DNAJC1: variants seen among roughly 807,000 people sequenced by gnomAD.
The protein encoded by DNAJC1 is DnaJ heat shock protein family (Hsp40) member C1, also known as dnaJ homolog subfamily C member 1.
Under a neutral mutation model 76.6 loss-of-function variants are expected in DNAJC1, and 58 were observed. That is an observed-to-expected ratio of 0.76 (90% confidence interval 0.61 to 0.94). The LOEUF is 0.94. DNAJC1 is among the 40% of genes least tolerant of loss of function. The pLI, the probability that DNAJC1 is intolerant of heterozygous loss-of-function variation, is 0.00. For missense variants in DNAJC1, 689 were observed against 677.3 expected (o/e 1.02, Z -0.19); for synonymous variants, 258 against 267.9 (o/e 0.96, Z 0.36).
At chr10:21,774,661 T>C (rs1236285756) in intron 9 of DNAJC1, among the ~76,000 whole-genome samples, 1 of 152,142 alleles carries the variant, frequency 6.6e-6, no homozygotes. Context: ...TATTTTTTAG[T>C]AGAGACAGGG....
intron 8 of DNAJC1, among the ~76,000 whole-genome samples, chr10:21,840,207 T>A (rs2131678392): frequency 6.6e-6 from 1 of 152,240 alleles, no homozygotes; most frequent in South Asian, 2.1e-4. Context: ...AGGGATGCCC[T>A]CTCTCACCAC....
intron 8 of DNAJC1, among the ~76,000 whole-genome samples, chr10:21,809,940 ATG>A (rs943995141): frequency 7.6e-5 from 11 of 145,440 alleles, no homozygotes; most frequent in Non-Finnish European, 1.0e-4. Flanking sequence ...ATGGCCTTTC[ATG>A]TGTGTGTGTA....
At chr10:21,766,110 C>A in intron 10 of DNAJC1, 151 bp downstream of exon 10, 1 of 666,588 alleles carries the variant, frequency 1.5e-6, no homozygotes, top group Non-Finnish European at 2.6e-6. Flanking sequence ...TTGCTGGTGC[C>A]CGTATTTCAA....
intron 7 of DNAJC1, among the ~76,000 whole-genome samples, chr10:21,890,314 G>A (rs898356128): frequency 2.0e-5 from 3 of 151,580 alleles, no homozygotes; most frequent in South Asian, 2.1e-4. Context: ...CGGGGAGGCT[G>A]AGGCAGGAGA....
rs2361232 is a variant in DNAJC1, at chr10:21,810,597, C to A, written c.979-4498G>T. Reference sequence around the variant, plus strand: ...TAACAAATTGCCTTTTTAAAATGGACCCCATGGACGTACTGCTTCCCCATG... The same window carrying A: ...TAACAAATTGCCTTTTTAAAATGGAACCCATGGACGTACTGCTTCCCCATG... On this transcript the variant is annotated intron_variant, in intron 8 of 11. Coordinates refer to ENST00000376980, the MANE Select transcript of DNAJC1 (RefSeq NM_022365.4). Among the ~76,000 whole-genome samples, 320 of 152,266 alleles carry A rather than the reference C, an allele frequency of 2.1e-3. 4 individuals carry two copies. In the East Asian group the frequency reaches 0.041, roughly 20 times the overall value.
At position 21,900,158 on chromosome 10, in the gene DNAJC1, C is replaced by T. The variant is rs185958556; in HGVS notation, c.820+4364G>A. Among the ~76,000 whole-genome samples, 5 of 152,116 alleles carry T rather than the reference C, an allele frequency of 3.3e-5. No homozygotes were observed. In the East Asian group the frequency reaches 7.8e-4, roughly 24 times the overall value. Reference sequence around the variant, plus strand: ...AGGAGTTCGAGACCAGTCTGGACAACATGGTGAAACCCCGTTTCTATTAAA... The same window carrying T: ...AGGAGTTCGAGACCAGTCTGGACAATATGGTGAAACCCCGTTTCTATTAAA... On this transcript the variant is annotated intron_variant, in intron 7 of 11. Coordinates refer to ENST00000376980, the MANE Select transcript of DNAJC1 (RefSeq NM_022365.4).
intron 8 of DNAJC1, among the ~76,000 whole-genome samples, chr10:21,877,474 T>C (rs1326196116): frequency 6.6e-6 from 1 of 152,026 alleles, no homozygotes; most frequent in South Asian, 2.1e-4. Flanking sequence ...GAACTCTTTA[T>C]AATCCAGTCT....
intron 8 of DNAJC1, among the ~76,000 whole-genome samples, chr10:21,838,103 C>T (rs1378979342): frequency 9.3e-5 from 14 of 150,720 alleles, no homozygotes; most frequent in South Asian, 2.1e-4. Context: ...TCTGCCCGGC[C>T]GCCACCCCGT....
intron 6 of DNAJC1, among the ~76,000 whole-genome samples, chr10:21,916,419 G>A (rs907157399): frequency 2.0e-5 from 3 of 152,138 alleles, no homozygotes; most frequent in East Asian, 1.9e-4. Flanking sequence ...AACCCGGGAG[G>A]CGGAGCTTGC....
intron 9 of DNAJC1, among the ~76,000 whole-genome samples, chr10:21,776,141 C>T (rs1775912301): frequency 6.6e-6 from 1 of 152,002 alleles, no homozygotes; most frequent in African/African-American, 2.4e-5. Context: ...GTTGCATTCC[C>T]TCTAGTAAAA....
At chr10:21,871,931 A>T (rs1836111140) in intron 8 of DNAJC1, among the ~76,000 whole-genome samples, 1 of 151,976 alleles carries the variant, frequency 6.6e-6, no homozygotes, top group Non-Finnish European at 1.5e-5. Context: ...CACTGTGCCC[A>T]GCCAAAATGT....
intron 9 of DNAJC1, among the ~76,000 whole-genome samples, chr10:21,770,290 C>T (rs1205602620): frequency 6.6e-6 from 1 of 151,884 alleles, no homozygotes; most frequent in African/African-American, 2.4e-5. Context: ...GTTTATTGGA[C>T]ATCTGTGTAT....
chr10:21,833,229 T>C (rs1419734879), intron 8 of DNAJC1, among the ~76,000 whole-genome samples: 1 of 152,194 alleles, frequency 6.6e-6, no homozygotes. Context: ...CCCAGCACTT[T>C]GGGAGGCTGA....
intron 8 of DNAJC1, among the ~76,000 whole-genome samples, chr10:21,839,474 T>C (rs1433077588): frequency 6.6e-6 from 1 of 152,104 alleles, no homozygotes; most frequent in Admixed American, 6.6e-5. Flanking sequence ...TATAAACACC[T>C]CTACGCAAAT....
At chr10:21,837,612 A>T (rs1279907235) in intron 8 of DNAJC1, among the ~76,000 whole-genome samples, 1 of 148,300 alleles carries the variant, frequency 6.7e-6, no homozygotes, top group Non-Finnish European at 1.5e-5. Flanking sequence ...CCCATCTGAG[A>T]AGTGAGGAGC....
intron 7 of DNAJC1, among the ~76,000 whole-genome samples, chr10:21,895,855 G>A (rs1389203220): frequency 1.3e-5 from 2 of 152,102 alleles, no homozygotes; most frequent in Non-Finnish European, 2.9e-5. Context: ...GAAACCATGG[G>A]GCTTGTTGCT....
chr10:21,841,214 C>T (rs1050401108), intron 8 of DNAJC1, among the ~76,000 whole-genome samples: 30 of 152,116 alleles, frequency 2.0e-4, no homozygotes, highest in African/African-American at 6.0e-4. Flanking sequence ...ATGTCTAAAA[C>T]AACCAAAAGC....
At chr10:22,002,412 C>G (rs1401194045) in intron 1 of DNAJC1, among the ~76,000 whole-genome samples, 4 of 149,642 alleles carry the variant, frequency 2.7e-5, no homozygotes, top group Admixed American at 2.7e-4. Context: ...TAAAAAGCAA[C>G]AAATGGATTT....
At chr10:21,970,904 C>T (rs1246813704) in intron 1 of DNAJC1, among the ~76,000 whole-genome samples, 1 of 151,780 alleles carries the variant, frequency 6.6e-6, no homozygotes, top group African/African-American at 2.4e-5. Flanking sequence ...TAAACTTTCC[C>T]CCTCCTTATT....
Sources: gnomAD v4.1 joint callset for allele counts (sites outside exome capture counted in the v4.1 genomes callset) on GRCh38, gnomAD v4.1.1 for gene constraint, MANE v1.5 for transcripts, NCBI Gene and HGNC (gene_info 2026-07-23, HGNC 2026-07-21) for gene names.